Variants in FGF12 observed in about 807,000 individuals in gnomAD.
The protein encoded by FGF12 is fibroblast growth factor 12B.
FGF12 carries 14 observed loss-of-function variants against 23.6 expected under a neutral mutation model. The observed-to-expected ratio is 0.59, with a 90% CI of 0.39 to 0.93. FGF12 has a LOEUF of 0.93. Ranked by LOEUF, FGF12 falls within the 40% of genes least tolerant of loss-of-function variation. The probability of loss-of-function intolerance (pLI) is 0.00; values close to 1 mark genes in which losing one functional copy is unlikely to be tolerated. For missense variants in FGF12, 175 were observed against 217.8 expected (o/e 0.80, Z 1.24); for synonymous variants, 62 against 77.3 (o/e 0.80, Z 1.04).
chr3:192,209,177 G>A lies in FGF12; in HGVS notation c.229-38521C>T, dbSNP rs1055106065. Among the ~76,000 whole-genome samples the A allele has an allele frequency of 7.9e-5, 12 of 152,190 alleles. 2 individuals carry two copies. The highest frequency in any genetic ancestry group is 4.8e-5 in the African/African-American group (2 of 41,524). ...AAGCTGATTTAAATGAGTTGATTTG[G>A]CTTAGAGGAAAACATTTTCTCCCCT... On this transcript the variant is annotated intron_variant, in intron 4 of 5. Coordinates refer to ENST00000445105, the MANE Select transcript of FGF12 (RefSeq NM_004113.6).
At chr3:192,158,332 C>CTTTCTTTCTTTCTTTCTTCTTTCTT (rs1459698854) in intron 5 of FGF12, among the ~76,000 whole-genome samples, 1 of 112,356 alleles carries the variant, frequency 8.9e-6, no homozygotes, top group Non-Finnish European at 1.8e-5. Context: ...TTCTTTCTTT[C>CTTTCTTTCTTTCTTTCTTCTTTCTT]TCTTTCTTTC....
intron 4 of FGF12, among the ~76,000 whole-genome samples, chr3:192,285,372 C>G (rs1200419796): frequency 6.6e-6 from 1 of 152,042 alleles, no homozygotes; most frequent in East Asian, 1.9e-4. Flanking sequence ...ACTACAATCT[C>G]AAGCAAATAT....
chr3:192,413,195 A>G (rs376779549), intron 2 of FGF12, among the ~76,000 whole-genome samples: 1 of 152,194 alleles, frequency 6.6e-6, no homozygotes, highest in East Asian at 1.9e-4. Context: ...CAACTTCCAA[A>G]TCTACTATTA....
chr3:192,694,475 A>G (rs1048290607), intron 2 of FGF12, among the ~76,000 whole-genome samples: 1 of 152,154 alleles, frequency 6.6e-6, no homozygotes, highest in Non-Finnish European at 1.5e-5. Flanking sequence ...CACAATAGCC[A>G]AGATAATGGA....
At chr3:192,574,829 G>A (rs1712802059) in intron 2 of FGF12, among the ~76,000 whole-genome samples, 1 of 152,176 alleles carries the variant, frequency 6.6e-6, no homozygotes, top group African/African-American at 2.4e-5. Context: ...TGCAGAAGTG[G>A]TCACCTGCTT....
chr3:192,337,729 GT>G (rs1717489054), intron 3 of FGF12, among the ~76,000 whole-genome samples: 1 of 152,112 alleles, frequency 6.6e-6, no homozygotes, highest in Non-Finnish European at 1.5e-5. Flanking sequence ...GCATTGTCAT[GT>G]TTCTGAAAGT....
At chr3:192,410,367 G>A (rs748066170) in intron 2 of FGF12, among the ~76,000 whole-genome samples, 54 of 152,008 alleles carry the variant, frequency 3.6e-4, no homozygotes, top group Non-Finnish European at 6.5e-4. Context: ...GAAATTCTCA[G>A]AGGCAGAGCG....
intron 2 of FGF12, among the ~76,000 whole-genome samples, chr3:192,615,164 C>T (rs1242150141): frequency 1.3e-5 from 2 of 151,768 alleles, no homozygotes; most frequent in African/African-American, 2.4e-5. Flanking sequence ...TGTGTCTTTC[C>T]TTTTATGACA....
intron 5 of FGF12, among the ~76,000 whole-genome samples, chr3:192,167,774 T>TATATAA (rs1715305822): frequency 2.6e-5 from 1 of 38,954 alleles, no homozygotes; most frequent in African/African-American, 9.4e-5. Context: ...TATATAAAAT[T>TATATAA]TTTTTTTTTT....
intron 2 of FGF12, among the ~76,000 whole-genome samples, chr3:192,373,964 G>A (rs1003925094): frequency 6.6e-6 from 1 of 152,084 alleles, no homozygotes; most frequent in Admixed American, 6.6e-5. Context: ...TTATGGAGAC[G>A]GTCAGCTTGA....
intron 4 of FGF12, among the ~76,000 whole-genome samples, chr3:192,215,108 A>G (rs761961642): frequency 6.6e-6 from 1 of 152,182 alleles, no homozygotes; most frequent in Non-Finnish European, 1.5e-5. Flanking sequence ...CGAACTCTCT[A>G]CAGGAGTGAA....
chr3:192,719,951 C>A (rs1269619001), intron 2 of FGF12, among the ~76,000 whole-genome samples: 1 of 152,174 alleles, frequency 6.6e-6, no homozygotes, highest in Non-Finnish European at 1.5e-5. Context: ...CTGGAGGATT[C>A]GAGGAAAACC....
At chr3:192,723,335 A>G (rs1340767534) in intron 2 of FGF12, among the ~76,000 whole-genome samples, 2 of 152,026 alleles carry the variant, frequency 1.3e-5, no homozygotes, top group Non-Finnish European at 2.9e-5. Flanking sequence ...ACATGATCAC[A>G]TATCCATGAG....
chr3:192,663,750 T>G (rs900619945), intron 2 of FGF12, among the ~76,000 whole-genome samples: 2 of 151,810 alleles, frequency 1.3e-5, no homozygotes, highest in Non-Finnish European at 2.9e-5. Flanking sequence ...TCCTTCCAGC[T>G]GCAATCAATA....
chr3:192,278,914 GTGGT>G (rs1212061470), intron 4 of FGF12, among the ~76,000 whole-genome samples: 1 of 152,128 alleles, frequency 6.6e-6, no homozygotes, highest in Non-Finnish European at 1.5e-5. Context: ...ATCAGTCATG[GTGGT>G]TGGTTTGGGC....
chr3:192,163,812 T>C lies in FGF12; in HGVS notation c.427+6646A>G, dbSNP rs149554634. On this transcript the variant is annotated intron_variant, in intron 5 of 5. Coordinates refer to ENST00000445105, the MANE Select transcript of FGF12 (RefSeq NM_004113.6). Reference sequence around the variant, plus strand: ...ACAAAGAAAATGGAAACCATGTATATGGCCAAGTGTGTGTGAGTGTGTGTG... The same window carrying C: ...ACAAAGAAAATGGAAACCATGTATACGGCCAAGTGTGTGTGAGTGTGTGTG... Among the ~76,000 whole-genome samples, 570 of 135,566 alleles carry C rather than the reference T, an allele frequency of 4.2e-3. 2 individuals are homozygous for C. Among genetic ancestry groups the C allele is most frequent in the African/African-American group, 0.015 (556 of 36,096 alleles). 88.9% of individuals were successfully genotyped at this position (135,566 alleles called of 152,430 possible).
intron 2 of FGF12, among the ~76,000 whole-genome samples, chr3:192,485,347 G>A (rs1723604159): frequency 6.6e-6 from 1 of 152,116 alleles, no homozygotes; most frequent in Non-Finnish European, 1.5e-5. Context: ...ATTGTTTGAG[G>A]TAGTTCAAAT....
At chr3:192,227,135 C>T (rs1718775848) in intron 4 of FGF12, among the ~76,000 whole-genome samples, 1 of 152,084 alleles carries the variant, frequency 6.6e-6, no homozygotes, top group African/African-American at 2.4e-5. Flanking sequence ...CAAGTTTATG[C>T]TATTTTGTTA....
chr3:192,622,265 A>G (rs1715002719), intron 2 of FGF12, among the ~76,000 whole-genome samples: 1 of 152,196 alleles, frequency 6.6e-6, no homozygotes, highest in Admixed American at 6.5e-5. Context: ...GAACAGAGTC[A>G]TCCAGGAGTG....
Sources: allele counts gnomAD v4.1 joint callset (sites outside exome capture counted in the v4.1 genomes callset), GRCh38; gene constraint gnomAD v4.1.1; transcripts MANE v1.5; gene names NCBI Gene and HGNC (gene_info 2026-07-23, HGNC 2026-07-21).